The following PTPRD variants were observed in gnomAD, a reference collection of about 807,000 sequenced individuals.
The protein encoded by PTPRD is protein tyrosine phosphatase receptor type D.
In PTPRD, 34 loss-of-function variants were observed where a neutral mutation model predicts 214.5. That is an observed-to-expected ratio of 0.16 (90% CI 0.12 to 0.21). The LOEUF (loss-of-function observed/expected upper bound fraction) is 0.21, where lower values mean the gene tolerates loss of function less well. PTPRD is among the 10% of genes least tolerant of loss of function. The pLI is 1.00. For missense variants in PTPRD, 2,545 were observed against 2,398.7 expected (o/e 1.06, Z -1.27); for synonymous variants, 1,128 against 845.7 (o/e 1.33, Z -5.79).
At chr9:9,098,562 T>C (rs1317882923) in intron 10 of PTPRD, among the ~76,000 whole-genome samples, 10 of 152,202 alleles carry the variant, frequency 6.6e-5, no homozygotes, top group African/African-American at 2.4e-4. Flanking sequence ...TATTTCTTTT[T>C]AGTTATTATT....
rs567009923 is a variant in PTPRD, at chr9:8,948,629, G to T, written c.-104+70068C>A. On this transcript the variant is annotated intron_variant, in intron 11 of 45. Coordinates refer to ENST00000381196, the MANE Select transcript of PTPRD (RefSeq NM_002839.4). ...AGCTGTTATTTAATTTTAAGAGTGG[G>T]ACATTTTCAGATTTACTTTATAGAA... Among the ~76,000 whole-genome samples, 18 of 129,754 alleles carry T rather than the reference G, an allele frequency of 1.4e-4. No individual in the cohort carries two copies. The East Asian group carries it at 4.0e-3, about 29-fold the overall frequency. 85.1% of individuals were successfully genotyped at this position (129,754 alleles called of 152,430 possible). A position where few individuals can be genotyped will look rare whatever the true frequency, so the allele number is the denominator to read the frequency against.
At chr9:9,464,528 G>T (rs779517153) in intron 8 of PTPRD, among the ~76,000 whole-genome samples, 1 of 151,928 alleles carries the variant, frequency 6.6e-6, no homozygotes, top group Non-Finnish European at 1.5e-5. Flanking sequence ...TCTATGAGTC[G>T]CCTGAAGTCT....
chr9:9,045,277 G>A (rs1484029108), intron 10 of PTPRD, among the ~76,000 whole-genome samples: 2 of 152,164 alleles, frequency 1.3e-5, no homozygotes, highest in Non-Finnish European at 2.9e-5. Context: ...TCAAGGGTCA[G>A]TCATGTTGAT....
intron 5 of PTPRD, among the ~76,000 whole-genome samples, chr9:9,821,709 T>C (rs1416062836): frequency 1.3e-5 from 2 of 151,892 alleles, no homozygotes; most frequent in Non-Finnish European, 2.9e-5. Flanking sequence ...CCCTCTGAAA[T>C]AGGTTACTAT....
intron 10 of PTPRD, among the ~76,000 whole-genome samples, chr9:9,150,125 T>C (rs1368012443): frequency 1.3e-5 from 2 of 152,144 alleles, no homozygotes; most frequent in Admixed American, 6.6e-5. Context: ...TTTGAAAACT[T>C]AAAAGGTTGC....
intron 2 of PTPRD, among the ~76,000 whole-genome samples, chr9:10,402,102 T>C (rs1031246272): frequency 2.0e-5 from 3 of 151,488 alleles, no homozygotes; most frequent in African/African-American, 7.3e-5. Context: ...AGAAAAAGGG[T>C]ATAAAATGTA....
At chr9:10,183,876 G>C (rs1023859785) in intron 3 of PTPRD, among the ~76,000 whole-genome samples, 9 of 152,138 alleles carry the variant, frequency 5.9e-5, no homozygotes, top group Non-Finnish European at 5.9e-5. Context: ...ACAAAGGAGA[G>C]ATAACTATTA....
intron 39 of PTPRD, among the ~76,000 whole-genome samples, chr9:8,348,345 C>A (rs2074443114): frequency 1.3e-5 from 2 of 152,066 alleles, no homozygotes; most frequent in Admixed American, 6.6e-5. Context: ...ATAAGATATG[C>A]ATGGATGCCA....
chr9:8,440,400 C>T (rs2095508572), intron 34 of PTPRD, among the ~76,000 whole-genome samples: 1 of 151,672 alleles, frequency 6.6e-6, no homozygotes, highest in South Asian at 2.1e-4. Context: ...ACTGTAAGCT[C>T]TACCTCCCGG....
rs528541939 is a variant in PTPRD, at chr9:9,460,483, C to A, written c.-236-63001G>T. 1.4e-4 allele frequency among the ~76,000 whole-genome samples: 21 copies of A among 151,886 alleles called. No homozygotes were observed. The South Asian group carries it at 3.9e-3, about 29-fold the overall frequency. On this transcript the variant is annotated intron_variant, in intron 8 of 45. Coordinates refer to ENST00000381196, the MANE Select transcript of PTPRD (RefSeq NM_002839.4). ...TCTACAAATAATCTAAACGAATCAACATTAGAAAAAAACAAATCCATTAAA... is the reference window on the plus strand; with the variant it reads ...TCTACAAATAATCTAAACGAATCAAAATTAGAAAAAAACAAATCCATTAAA...
intron 11 of PTPRD, among the ~76,000 whole-genome samples, chr9:8,829,139 T>C (rs2097233494): frequency 6.6e-6 from 1 of 152,182 alleles, no homozygotes; most frequent in African/African-American, 2.4e-5. Flanking sequence ...CTTATATAAG[T>C]GAATTGCCCG....
chr9:10,156,139 T>C (rs1436029358), intron 3 of PTPRD, among the ~76,000 whole-genome samples: 2 of 149,994 alleles, frequency 1.3e-5, no homozygotes, highest in African/African-American at 2.4e-5. Flanking sequence ...TCTCCTTTGG[T>C]TCAGCTCTAA....
chr9:9,264,109 A>G (rs1174916361), intron 9 of PTPRD, among the ~76,000 whole-genome samples: 1 of 151,670 alleles, frequency 6.6e-6, no homozygotes, highest in African/African-American at 2.4e-5. Context: ...ACAATGGAAG[A>G]CTTCAAGGAT....
Position 9,887,979 on chromosome 9 carries a change from C to T in PTPRD, c.-368+50528G>A, listed in dbSNP as rs113648947. Among the ~76,000 whole-genome samples, 36 of 152,082 alleles carry T rather than the reference C, an allele frequency of 2.4e-4. 1 individual carries two copies. Among genetic ancestry groups the T allele is most frequent in the African/African-American group, 8.4e-4 (35 of 41,490 alleles). On this transcript the variant is annotated intron_variant, in intron 5 of 45. Transcript: ENST00000381196. ...AATAAATTCAGAAAATGGTAAATGC[C>T]GAAACAGAAAATGACACCTGACGAA...
intron 10 of PTPRD, among the ~76,000 whole-genome samples, chr9:9,098,376 C>A (rs1005108549): frequency 6.6e-6 from 1 of 152,088 alleles, no homozygotes; most frequent in Non-Finnish European, 1.5e-5. Context: ...CCTGCCTCAG[C>A]CTTCCAAGTA....
intron 2 of PTPRD, among the ~76,000 whole-genome samples, chr9:10,452,634 G>T (rs1028338420): frequency 6.6e-6 from 1 of 151,672 alleles, no homozygotes; most frequent in Non-Finnish European, 1.5e-5. Context: ...CTGAAAAAAT[G>T]TCTATTCATT....
At chr9:8,957,034 A>C (rs2099134921) in intron 11 of PTPRD, among the ~76,000 whole-genome samples, 1 of 151,776 alleles carries the variant, frequency 6.6e-6, no homozygotes, top group African/African-American at 2.4e-5. Context: ...AACTATTTAA[A>C]TCCTGTTGTG....
intron 14 of PTPRD, among the ~76,000 whole-genome samples, chr9:8,584,789 G>T (rs1156919553): frequency 6.6e-6 from 1 of 152,178 alleles, no homozygotes; most frequent in Non-Finnish European, 1.5e-5. Context: ...AAGGAAAGAG[G>T]TTTAACTGAC....
chr9:9,163,180 C>A (rs999261190), intron 10 of PTPRD, among the ~76,000 whole-genome samples: 6 of 152,134 alleles, frequency 3.9e-5, no homozygotes, highest in African/African-American at 1.4e-4. Flanking sequence ...CCCAAAGCTT[C>A]AAAATCTGTA....
Sources: allele counts gnomAD v4.1 joint callset (sites outside exome capture counted in the v4.1 genomes callset), GRCh38; gene constraint gnomAD v4.1.1; transcripts MANE v1.5; gene names NCBI Gene and HGNC (gene_info 2026-07-23, HGNC 2026-07-21).